The following TTYH3 variants were observed in gnomAD, a reference collection of about 807,000 sequenced individuals.
TTYH3 encodes protein tweety homolog 3.
In TTYH3, 23 loss-of-function variants were observed where a neutral mutation model predicts 68.2. The observed-to-expected ratio is 0.34, with a 90% CI of 0.24 to 0.48. The LOEUF is 0.48. Ranked by LOEUF, TTYH3 falls within the 20% of genes least tolerant of loss-of-function variation. The pLI, the probability that TTYH3 is intolerant of heterozygous loss-of-function variation, is 0.99. For synonymous variants in TTYH3, 360 were observed against 332.8 expected, an observed-to-expected ratio of 1.08 and a Z score of -0.89; for missense variants, 768 against 727.7, an observed-to-expected ratio of 1.06 and a Z score of -0.64.
chr7:2,651,757 T>C (rs561303241), intron 7 of TTYH3, among the ~76,000 whole-genome samples: 3 of 152,352 alleles, frequency 2.0e-5, no homozygotes, highest in African/African-American at 7.2e-5. Flanking sequence ...TTTTTTAATG[T>C]TCTTTTATAA....
chr7:2,652,449 T>G (rs551473594), intron 8 of TTYH3, among the ~76,000 whole-genome samples: 10 of 152,162 alleles, frequency 6.6e-5, no homozygotes, highest in Non-Finnish European at 1.5e-4. Context: ...TGAGAGCCTT[T>G]CGGGGGGACC....
At chr7:2,657,688 C>T (rs1385996154) in intron 11 of TTYH3, among the ~76,000 whole-genome samples, 9 of 152,206 alleles carry the variant, frequency 5.9e-5, no homozygotes, top group Admixed American at 3.3e-4. Context: ...CGAGTGGGCA[C>T]TTGAGCCACT....
intron 7 of TTYH3, among the ~76,000 whole-genome samples, 184 bp from the exon 8 acceptor site, chr7:2,652,003 A>C (rs1408325391): frequency 6.6e-6 from 1 of 152,224 alleles, no homozygotes; most frequent in Non-Finnish European, 1.5e-5. Flanking sequence ...ACAGAGACAC[A>C]TGCACGTGTA....
intron 9 of TTYH3, among the ~76,000 whole-genome samples, chr7:2,654,000 G>A (rs1231578237): frequency 6.6e-6 from 1 of 152,268 alleles, no homozygotes. Context: ...TGAAGAGGGA[G>A]GAGTGCGTCT....
intron 1 of TTYH3, among the ~76,000 whole-genome samples, chr7:2,632,803 G>C (rs537584647): frequency 9.8e-5 from 15 of 152,402 alleles, no homozygotes; most frequent in African/African-American, 3.6e-4. Flanking sequence ...CCACTGCCAG[G>C]CTTCCAGTGG....
chr7:2,646,738 C>A, intron 1 of TTYH3, 115 bp from the exon 2 acceptor site: 1 of 1,208,184 alleles, frequency 8.3e-7, no homozygotes, highest in Non-Finnish European at 1.1e-6. Flanking sequence ...GGCCCACCTC[C>A]CAGGGCTGGG....
chr7:2,654,072 C>A (rs1164665183), intron 9 of TTYH3, among the ~76,000 whole-genome samples: 1 of 152,094 alleles, frequency 6.6e-6, no homozygotes, highest in African/African-American at 2.4e-5. Flanking sequence ...CCAAGGAGCT[C>A]TTCACAAAGA....
chr7:2,640,641 G>A (rs1785815138), intron 1 of TTYH3, among the ~76,000 whole-genome samples: 1 of 152,242 alleles, frequency 6.6e-6, no homozygotes, highest in African/African-American at 2.4e-5. Flanking sequence ...GCTGAGCCTG[G>A]CATTGCGTTG....
chr7:2,632,533 A>C (rs2114966626), intron 1 of TTYH3, among the ~76,000 whole-genome samples: 1 of 152,048 alleles, frequency 6.6e-6, no homozygotes, highest in East Asian at 1.9e-4. Context: ...GTGAGGGTCC[A>C]CGGCCCCCCT....
chr7:2,644,142 C>G (rs750229493), intron 1 of TTYH3, among the ~76,000 whole-genome samples: 2 of 152,126 alleles, frequency 1.3e-5, no homozygotes, highest in African/African-American at 4.8e-5. Flanking sequence ...GAAGTGCAGA[C>G]GTGGGCATGG....
rs575059032 is a variant in TTYH3 at position 2,632,384 on chromosome 7, C to T, written c.123+106C>T. ...CCCGAGGGCCTAAAGACCCCTCATC[C>T]CCCCCTCCAGGGTCACGGCCACCTC... On this transcript the variant is annotated intron_variant, in intron 1 of 13. Transcript: ENST00000258796. 570 of 1,219,524 alleles carry T rather than the reference C, an allele frequency of 4.7e-4. 8 individuals are homozygous for T. In the South Asian group the frequency reaches 9.9e-3, roughly 21 times the overall value. The allele number at this position is 1,219,524 out of a possible 1,614,324, so 75.5% of individuals were successfully genotyped here.
intron 1 of TTYH3, among the ~76,000 whole-genome samples, chr7:2,643,146 G>A (rs978380646): frequency 2.6e-5 from 4 of 151,780 alleles, no homozygotes; most frequent in South Asian, 2.1e-4. Context: ...ATGAGGTCAG[G>A]AAATCGAGAG....
intron 1 of TTYH3, among the ~76,000 whole-genome samples, chr7:2,636,037 T>C (rs1249823931): frequency 6.6e-6 from 1 of 152,216 alleles, no homozygotes; most frequent in African/African-American, 2.4e-5. Flanking sequence ...TTCCAGGCAC[T>C]GTGCCAGCCC....
At chr7:2,638,912 C>T (rs1467914708) in intron 1 of TTYH3, among the ~76,000 whole-genome samples, 1 of 152,128 alleles carries the variant, frequency 6.6e-6, no homozygotes, top group Non-Finnish European at 1.5e-5. Flanking sequence ...GTGGCGGGCC[C>T]CTGACATGGG....
Position 2,645,120 on chromosome 7 carries a change from A to AC in TTYH3, c.124-1727dup, listed in dbSNP as rs2114982911. Among the ~76,000 whole-genome samples the AC allele has an allele frequency of 3.3e-4, 1 of 3,042 alleles. No homozygotes were observed. The highest frequency in any genetic ancestry group is 1.1e-3 in the African/African-American group (1 of 906). The allele number at this position is 3,042 out of a possible 152,430, so 2.0% of individuals were successfully genotyped here. A position where few individuals can be genotyped will look rare whatever the true frequency, so the allele number is the denominator to read the frequency against. ...AACACTGAGGGCCCCAGCTGCTGAC[A>AC]CCCCCCAGGGCACCCCCAAGTTAGC... is the stretch of plus-strand genomic sequence containing the variant. On this transcript the variant is annotated intron_variant, in intron 1 of 13. Coordinates refer to ENST00000258796, the MANE Select transcript of TTYH3 (RefSeq NM_025250.3). The surrounding 1 kb of genome is among the most constrained non-coding windows in gnomAD (Gnocchi z 4.8).
intron 3 of TTYH3, 41 bp downstream of exon 3, chr7:2,647,294 C>T (rs1786022282): frequency 6.5e-7 from 1 of 1,538,928 alleles, no homozygotes; most frequent in South Asian, 1.2e-5. Flanking sequence ...ACTCTTGCTG[C>T]TCCGGAGCCC....
chr7:2,641,695 G>A (rs1330508980), intron 1 of TTYH3, among the ~76,000 whole-genome samples: 1 of 152,266 alleles, frequency 6.6e-6, no homozygotes, highest in Non-Finnish European at 1.5e-5. Context: ...GTGGAGAGAG[G>A]TGGCTGGGCC....
At position 2,652,108 on chromosome 7, in the gene TTYH3, G is replaced by A. The variant is rs373899117; in HGVS notation, c.872-79G>A. The A allele has an allele frequency of 8.8e-5, 111 of 1,266,924 alleles. No homozygotes were observed. The East Asian group carries it at 2.3e-3, about 27-fold the overall frequency. The allele number at this position is 1,266,924 out of a possible 1,614,324, so 78.5% of individuals were successfully genotyped here. The stretch of plus-strand genomic sequence containing the variant: ...GCACGCAGATGCCCTGAAGATATGC[G>A]TGCAGACACAGGCAGACGTGCACGC... On this transcript the variant is annotated intron_variant, in intron 7 of 13. Coordinates refer to ENST00000258796, the MANE Select transcript of TTYH3 (RefSeq NM_025250.3).
At chr7:2,655,249 G>A (rs181837158) in intron 9 of TTYH3, among the ~76,000 whole-genome samples, 9 of 152,280 alleles carry the variant, frequency 5.9e-5, no homozygotes, top group Non-Finnish European at 1.2e-4. Context: ...CGGCTGAAGC[G>A]ATTCTTCTGC....
Sources: allele counts gnomAD v4.1 joint callset (sites outside exome capture counted in the v4.1 genomes callset), GRCh38; gene constraint gnomAD v4.1.1; non-coding constraint Gnocchi (gnomAD v3.1); transcripts MANE v1.5; gene names NCBI Gene and HGNC (gene_info 2026-07-23, HGNC 2026-07-21).